The following LMAN2 variants were observed in gnomAD, a reference collection of about 807,000 sequenced individuals.
The protein encoded by LMAN2 is lectin, mannose binding 2, also known as vesicular integral-membrane protein VIP36.
A neutral mutation model predicts 39.3 loss-of-function variants in LMAN2; 22 were observed. The observed-to-expected ratio is 0.56, with a 90% CI of 0.40 to 0.80. The LOEUF is 0.80. LMAN2 is among the 30% of genes least tolerant of loss of function. The pLI, the probability that LMAN2 is intolerant of heterozygous loss-of-function variation, is 0.00. For synonymous variants in LMAN2, 207 were observed against 207.8 expected (o/e 1.00, Z 0.03); for missense variants, 494 against 505.4 (o/e 0.98, Z 0.22).
chr5:177,343,700 T>C (rs945173820), intron 2 of LMAN2, among the ~76,000 whole-genome samples: 8 of 151,030 alleles, frequency 5.3e-5, no homozygotes, highest in African/African-American at 2.0e-4. Context: ...ACAAATATTG[T>C]ATGCCTCCAT....
Position 177,338,542 on chromosome 5 carries a change from T to G in LMAN2, c.379A>C (p.Asn127His). The change falls in exon 3 of 8, where the codon AAC (asparagine) becomes CAC (histidine). Residue 127 changes from asparagine (N) to histidine (H), a missense_variant. Coordinates refer to ENST00000303127, the MANE Select transcript of LMAN2 (RefSeq NM_006816.3). ...AAGGCGATGCCGTCTCCATGGAGGT[T>G]CTTCTTCCCTGTGCCGTGGACTTTG... Reference protein sequence around the residue: ...HFKVHGTGKKNLHGDGIALWY... With the variant: ...HFKVHGTGKKHLHGDGIALWY... The G allele has an allele frequency of 1.2e-6, 2 of 1,614,248 alleles. No individual in the cohort carries two copies. Among genetic ancestry groups the G allele is most frequent in the Non-Finnish European group, 1.7e-6 (2 of 1,180,044 alleles).
At chr5:177,334,433 C>T in intron 6 of LMAN2, 30 bp from the exon 7 acceptor site, 1 of 1,600,714 alleles carries the variant, frequency 6.2e-7, no homozygotes, top group South Asian at 1.1e-5. Context: ...CCTGTGACAG[C>T]CTACAGGCCA....
At chr5:177,338,811 T>C (rs1037546125) in intron 2 of LMAN2, among the ~76,000 whole-genome samples, 6 of 152,148 alleles carry the variant, frequency 3.9e-5, no homozygotes, top group African/African-American at 1.4e-4. Flanking sequence ...GGGCACCAGG[T>C]GAGGTGGGGG....
intron 2 of LMAN2, chr5:177,346,467 T>C (rs1761640101): frequency 1.7e-5 from 5 of 291,528 alleles, no homozygotes; most frequent in South Asian, 1.1e-4. Flanking sequence ...TGTTGTTTTT[T>C]TTTTAAAAAA....
intron 6 of LMAN2, 34 bp from the exon 7 acceptor site, chr5:177,334,437 C>T: frequency 6.3e-7 from 1 of 1,597,458 alleles, no homozygotes; most frequent in Non-Finnish European, 8.5e-7. Flanking sequence ...TGACAGCCTA[C>T]AGGCCAGCCG....
Position 177,335,280 on chromosome 5 carries a change from A to G in LMAN2, c.791-877T>C, listed in dbSNP as rs1389697852. ...GCCCTGGAGTCAGGCCCCAGTTCCC[A>G]TCTGGGCTCTGCTGCTTCCTGCTCG... is the stretch of plus-strand genomic sequence containing the variant. On this transcript the variant is annotated intron_variant, in intron 6 of 7. Coordinates refer to ENST00000303127, the MANE Select transcript of LMAN2 (RefSeq NM_006816.3). 3.3e-5 allele frequency among the ~76,000 whole-genome samples: 5 copies of G among 152,304 alleles called. No individual in the cohort carries two copies. In the East Asian group the frequency reaches 7.7e-4, roughly 24 times the overall value.
rs775457049 is a variant in LMAN2 at position 177,332,096 on chromosome 5, C to T, written c.1061G>A (p.Arg354His). 3.1e-6 allele frequency: 5 copies of T among 1,612,480 alleles called. No individual in the cohort carries two copies. Among genetic ancestry groups the T allele is most frequent in the Non-Finnish European group, 4.2e-6 (5 of 1,179,454 alleles). ...CGCCGGAGGCGCCACTCAGTAGAAG[C>T]GCTTGTTCCGCTCCTGCCGCTTCTG... ...VFQKRQERNK[R>H]FY Residue 354 changes from arginine to histidine, a missense_variant, in exon 8 of 8, where the codon CGC becomes CAC. Transcript: ENST00000303127. This position sits in a 1 kb window ranked among gnomAD's most constrained non-coding sequence, Gnocchi z 6.3.
At chr5:177,345,201 C>T (rs1174738306) in intron 2 of LMAN2, among the ~76,000 whole-genome samples, 2 of 150,772 alleles carry the variant, frequency 1.3e-5, no homozygotes, top group Admixed American at 1.3e-4. Flanking sequence ...AAAAATTAGC[C>T]AGGCATGGTG....
In LMAN2 at chr5:177,338,555, G is replaced by T. The variant is rs1165482500; in HGVS notation, c.366C>A (p.Gly122=). 3.7e-6 allele frequency: 6 copies of T among 1,614,106 alleles called. No individual in the cohort carries two copies. The highest frequency in any genetic ancestry group is 5.1e-6 in the Non-Finnish European group (6 of 1,180,046). Residue 122 remains glycine (G), a synonymous_variant, in exon 3 of 8, where the codon GGC becomes GGA. Transcript: ENST00000303127. ...CTCCATGGAGGTTCTTCTTCCCTGT[G>T]CCGTGGACTTTGAAGTGGACGTGCA... is the stretch of plus-strand genomic sequence containing the variant. ...WEMHVHFKVH[G]TGKKNLHGDG... is the part of the protein sequence containing the mutation.
chr5:177,342,991 T>A (rs778836657), intron 2 of LMAN2, among the ~76,000 whole-genome samples: 7 of 152,094 alleles, frequency 4.6e-5, no homozygotes, highest in South Asian at 4.2e-4. Context: ...CGGTGGCTCA[T>A]GCCTGTAGTC....
At chr5:177,340,383 G>A (rs1372285369) in intron 2 of LMAN2, among the ~76,000 whole-genome samples, 1 of 152,080 alleles carries the variant, frequency 6.6e-6, no homozygotes, top group African/African-American at 2.4e-5. Context: ...CAGGTTACAT[G>A]GGTATACTGC....
At chr5:177,350,946 C>T (rs957907697) in intron 2 of LMAN2, among the ~76,000 whole-genome samples, 2 of 152,158 alleles carry the variant, frequency 1.3e-5, no homozygotes, top group Non-Finnish European at 2.9e-5. Context: ...TTACTCATCT[C>T]GCATGGCTTT....
intron 6 of LMAN2, chr5:177,334,604 G>A (rs1010077234): frequency 3.4e-6 from 2 of 591,582 alleles, no homozygotes; most frequent in African/African-American, 1.9e-5. Context: ...GAGGCAGAGT[G>A]GAGAGAAAAC....
Position 177,338,512 on chromosome 5 carries a change from A to C in LMAN2, c.409T>G (p.Tyr137Asp). Reference protein sequence around the residue: ...NLHGDGIALWYTRDRLVPGPV... With the variant: ...NLHGDGIALWDTRDRLVPGPV... ...CCTGGCACGAGGCGGTCCCGGGTGTACCACAAGGCGATGCCGTCTCCATGG... is the reference window on the plus strand; with the variant it reads ...CCTGGCACGAGGCGGTCCCGGGTGTCCCACAAGGCGATGCCGTCTCCATGG... The change falls in exon 3 of 8, where the codon TAC (tyrosine) becomes GAC (aspartate). Residue 137 changes from tyrosine (Y) to aspartate (D), a missense_variant. Physicochemically the swap from Tyr to Asp is radical, Grantham distance 160 (BLOSUM62 -3). Coordinates refer to ENST00000303127, the MANE Select transcript of LMAN2 (RefSeq NM_006816.3). 6.2e-6 allele frequency: 10 copies of C among 1,614,164 alleles called. No homozygotes were observed. The highest frequency in any genetic ancestry group is 8.5e-6 in the Non-Finnish European group (10 of 1,179,984).
chr5:177,348,850 C>T (rs34604271), intron 2 of LMAN2, among the ~76,000 whole-genome samples: 34,489 of 147,586 alleles, frequency 0.23, 4,501 homozygotes, highest in Middle Eastern at 0.3. Flanking sequence ...CGCCACTGCC[C>T]TCCAGCCTGG....
At chr5:177,347,640 C>T (rs1761654826) in intron 2 of LMAN2, among the ~76,000 whole-genome samples, 1 of 152,128 alleles carries the variant, frequency 6.6e-6, no homozygotes, top group South Asian at 2.1e-4. Context: ...ATCAGAATCA[C>T]CTGGCAATAA....
chr5:177,341,367 TA>T (rs35086925), intron 2 of LMAN2, among the ~76,000 whole-genome samples: 2 of 151,224 alleles, frequency 1.3e-5, no homozygotes, highest in Admixed American at 6.6e-5. Flanking sequence ...CGCCCGGCCA[TA>T]AAAAAAATAA....
At chr5:177,347,505 G>A (rs1031714631) in intron 2 of LMAN2, among the ~76,000 whole-genome samples, 5 of 152,242 alleles carry the variant, frequency 3.3e-5, no homozygotes, top group East Asian at 3.9e-4. Context: ...CAAGGCACAG[G>A]CTGGAAATGA....
rs1761491470 is a variant in LMAN2, at chr5:177,337,422, A to C, written c.616T>G (p.Phe206Val). The C allele has an allele frequency of 2.5e-6, 4 of 1,613,546 alleles. No homozygotes were observed. The highest frequency in any genetic ancestry group is 3.4e-6 in the Non-Finnish European group (4 of 1,180,024). ...WTELAGCTADFRNRDHDTFLA... is the reference protein window; with the variant it reads ...WTELAGCTADVRNRDHDTFLA... Reference sequence around the variant, plus strand: ...AAGGTGTCGTGATCGCGGTTGCGGAAGTCAGCCGTGCAGCCCGCCAGCTCG... The same window carrying C: ...AAGGTGTCGTGATCGCGGTTGCGGACGTCAGCCGTGCAGCCCGCCAGCTCG... Residue 206 changes from phenylalanine (F) to valine (V), a missense_variant, in exon 5 of 8, where the codon TTC (phenylalanine) becomes GTC (valine). Coordinates refer to ENST00000303127, the MANE Select transcript of LMAN2 (RefSeq NM_006816.3). The surrounding 1 kb of genome is among the most constrained non-coding windows in gnomAD (Gnocchi z 8.2).
Sources: allele counts gnomAD v4.1 joint callset (sites outside exome capture counted in the v4.1 genomes callset), GRCh38; gene constraint gnomAD v4.1.1; non-coding constraint Gnocchi (gnomAD v3.1); transcripts MANE v1.5; gene names NCBI Gene and HGNC (gene_info 2026-07-23, HGNC 2026-07-21).